The following SLC7A5 variants were observed in gnomAD, a reference collection of about 807,000 sequenced individuals.
The protein encoded by SLC7A5 is large neutral amino acids transporter small subunit 1.
A neutral mutation model predicts 50.2 loss-of-function variants in SLC7A5; 23 were observed. The observed-to-expected ratio is 0.46, with a 90% confidence interval of 0.33 to 0.65. The LOEUF is 0.65. SLC7A5 is among the 30% of genes least tolerant of loss of function. The pLI, the probability that SLC7A5 is intolerant of heterozygous loss-of-function variation, is 0.02. For missense variants in SLC7A5, 578 were observed against 684.4 expected (o/e 0.84, Z 1.73); for synonymous variants, 393 against 330.6 (o/e 1.19, Z -2.05).
At chr16:87,859,913 AAAAACAAAAC>A (rs60586708) in intron 1 of SLC7A5, among the ~76,000 whole-genome samples, 28 of 151,140 alleles carry the variant, frequency 1.9e-4, no homozygotes, top group South Asian at 4.2e-4. Context: ...CCTGGGTGAC[AAAAACAAAAC>A]AAAACAAAAC....
chr16:87,836,744 C>T, intron 7 of SLC7A5, 97 bp from the exon 8 acceptor site: 1 of 1,301,982 alleles, frequency 7.7e-7, no homozygotes, highest in Non-Finnish European at 1.1e-6. Context: ...TGGCTGGGCC[C>T]AGCTGAGCAC....
chr16:87,832,922 T>C lies in SLC7A5; in HGVS notation c.*48A>G, dbSNP rs747293022. The C allele has an allele frequency of 4.6e-6, 7 of 1,521,198 alleles. No individual in the cohort carries two copies. Among genetic ancestry groups the C allele is most frequent in the East Asian group, 2.3e-5 (1 of 44,392 alleles). The allele number at this position is 1,521,198 out of a possible 1,614,324, so 94.2% of individuals were successfully genotyped here. ...AGTGGGTTCGAGGAGGTGATCTACTTTAACTGGCCTCTGCGCATGCTCCTC... is the reference window on the plus strand; with the variant it reads ...AGTGGGTTCGAGGAGGTGATCTACTCTAACTGGCCTCTGCGCATGCTCCTC... On this transcript the variant is annotated 3_prime_UTR_variant, in exon 10 of 10. Transcript: ENST00000261622. The surrounding 1 kb of genome is among the most constrained non-coding windows in gnomAD (Gnocchi z 4.6).
chr16:87,844,140 G>A (rs1449187681), intron 2 of SLC7A5, among the ~76,000 whole-genome samples: 2 of 152,124 alleles, frequency 1.3e-5, no homozygotes, highest in South Asian at 2.1e-4. Context: ...ACAGAGACGC[G>A]AGAACAGACT....
At chr16:87,848,236 C>T (rs1303835134) in intron 2 of SLC7A5, among the ~76,000 whole-genome samples, 1 of 152,260 alleles carries the variant, frequency 6.6e-6, no homozygotes, top group Non-Finnish European at 1.5e-5. Flanking sequence ...GCCCAACTAT[C>T]CAATCTGTAA....
In SLC7A5 at chr16:87,834,431, C is replaced by CA; in HGVS notation, c.1450dup (p.Trp484LeufsTer43). ...ATACTCACAGATGCCCTGGAGGAGC[C>CA]ACTTGGGCTTGTTTTTCCACCAGAC... On this transcript the variant is annotated frameshift_variant, in exon 9 of 10. Coordinates refer to ENST00000261622, the MANE Select transcript of SLC7A5 (RefSeq NM_003486.7). LOFTEE classifies it high-confidence loss of function. 6.4e-7 allele frequency: 1 copy of CA among 1,555,870 alleles called. No homozygotes were observed. Among genetic ancestry groups the CA allele is most frequent in the Non-Finnish European group, 8.7e-7 (1 of 1,149,356 alleles).
chr16:87,868,668 G>T (rs1391702822), intron 1 of SLC7A5, among the ~76,000 whole-genome samples: 1 of 152,214 alleles, frequency 6.6e-6, no homozygotes, highest in African/African-American at 2.4e-5. Flanking sequence ...CTGCTGTCCC[G>T]TCACTGAAGA....
chr16:87,865,887 T>C (rs2055454451), intron 1 of SLC7A5, among the ~76,000 whole-genome samples: 1 of 152,066 alleles, frequency 6.6e-6, no homozygotes, highest in African/African-American at 2.4e-5. Context: ...ATTGGGAGGC[T>C]GAGGCACATG....
In SLC7A5 at chr16:87,831,735, T is replaced by C. The variant is rs959374483; in HGVS notation, c.*1235A>G. On this transcript the variant is annotated 3_prime_UTR_variant, in exon 10 of 10. Coordinates refer to ENST00000261622, the MANE Select transcript of SLC7A5 (RefSeq NM_003486.7). ...CGACAGCTCAGGAAAGTGGGCCGCATTGGCCAGGCCTCGGCTGCCTCCCAT... is the reference window on the plus strand; with the variant it reads ...CGACAGCTCAGGAAAGTGGGCCGCACTGGCCAGGCCTCGGCTGCCTCCCAT... 12 of 152,390 alleles carry C rather than the reference T, an allele frequency of 7.9e-5. No individual in the cohort carries two copies. Among genetic ancestry groups the C allele is most frequent in the African/African-American group, 2.4e-4 (10 of 41,582 alleles). 9.4% of individuals were successfully genotyped at this position (152,390 alleles called of 1,614,324 possible). A position where few individuals can be genotyped will look rare whatever the true frequency, so the allele number is the denominator to read the frequency against.
In SLC7A5 at chr16:87,861,542, C is replaced by G. The variant is rs977198493; in HGVS notation, c.538+7343G>C. On this transcript the variant is annotated intron_variant, in intron 1 of 9. Transcript: ENST00000261622. The surrounding 1 kb of genome is among the most constrained non-coding windows in gnomAD (Gnocchi z 4.2). ...GTAAATTGGGGATTATCACTGGCTTCAAAGGCTGGAGTGCAAAGTGGTGGC... is the reference window on the plus strand; with the variant it reads ...GTAAATTGGGGATTATCACTGGCTTGAAAGGCTGGAGTGCAAAGTGGTGGC... Among the ~76,000 whole-genome samples, 2 of 152,132 alleles carry G rather than the reference C, an allele frequency of 1.3e-5. No individual in the cohort carries two copies. Among genetic ancestry groups the G allele is most frequent in the Non-Finnish European group, 2.9e-5 (2 of 68,014 alleles).
chr16:87,836,118 G>A (rs902857520), intron 8 of SLC7A5, among the ~76,000 whole-genome samples: 6 of 152,208 alleles, frequency 3.9e-5, no homozygotes, highest in Non-Finnish European at 8.8e-5. Context: ...TCCTCGGGCC[G>A]GGTTCCCTGC....
chr16:87,866,091 T>C (rs8056033), intron 1 of SLC7A5, among the ~76,000 whole-genome samples: 2 of 150,796 alleles, frequency 1.3e-5, no homozygotes, highest in Non-Finnish European at 3.0e-5. Context: ...CTCCACAGGG[T>C]TCTATGGGGG....
chr16:87,840,945 C>G, intron 3 of SLC7A5, 105 bp downstream of exon 3: 1 of 745,208 alleles, frequency 1.3e-6, no homozygotes, highest in South Asian at 1.4e-5. Context: ...GAGGGGCAGT[C>G]CACTCCCTTT....
At position 87,841,866 on chromosome 16, in the gene SLC7A5, C is replaced by G. The variant is rs2055086696; in HGVS notation, c.665-711G>C. ...CTCATTTCAAAACTTGAACTTCAGT[C>G]ACATCTGCGAAGACCCTTTTTCCAA... On this transcript the variant is annotated intron_variant, in intron 2 of 9. Transcript: ENST00000261622. The surrounding 1 kb of genome is among the most constrained non-coding windows in gnomAD (Gnocchi z 4.8). 6.6e-6 allele frequency among the ~76,000 whole-genome samples: 1 copy of G among 152,244 alleles called. No individual in the cohort carries two copies. The highest frequency in any genetic ancestry group is 2.4e-5 in the African/African-American group (1 of 41,472).
chr16:87,866,439 T>TCCG (rs1385107056), intron 1 of SLC7A5, among the ~76,000 whole-genome samples: 1 of 152,112 alleles, frequency 6.6e-6, no homozygotes, highest in East Asian at 1.9e-4. Context: ...TAGCTGGGAC[T>TCCG]ACAGGTGTGC....
chr16:87,835,845 G>A (rs1254102845), intron 8 of SLC7A5, among the ~76,000 whole-genome samples: 34 of 152,226 alleles, frequency 2.2e-4, no homozygotes. Context: ...GGGAGAGATG[G>A]TCCGGGCAGG....
chr16:87,860,393 CACACACAT>C lies in SLC7A5; in HGVS notation c.538+8484_538+8491del, dbSNP rs1184471599. Among the ~76,000 whole-genome samples the C allele has an allele frequency of 0.028, 2,083 of 73,106 alleles. 103 individuals carry two copies. Among genetic ancestry groups the C allele is most frequent in the African/African-American group, 0.061 (1,301 of 21,206 alleles). The allele number at this position is 73,106 out of a possible 152,430, so 48.0% of individuals were successfully genotyped here. On this transcript the variant is annotated intron_variant, in intron 1 of 9. Coordinates refer to ENST00000261622, the MANE Select transcript of SLC7A5 (RefSeq NM_003486.7). This position sits in a 1 kb window ranked among gnomAD's most constrained non-coding sequence, Gnocchi z 4.8. ...ACACACACACACACACACACACACACACACACATATATATATAAAGAAAAAGGAAATCT... is the reference window on the plus strand; with the variant it reads ...ACACACACACACACACACACACACACATATATATAAAGAAAAAGGAAATCT...
chr16:87,855,188 T>C (rs1022167323), intron 1 of SLC7A5, among the ~76,000 whole-genome samples: 1 of 152,150 alleles, frequency 6.6e-6, no homozygotes, highest in African/African-American at 2.4e-5. Flanking sequence ...GGCCTCCCAC[T>C]GCTCTCGCCA....
At position 87,833,058 on chromosome 16, in the gene SLC7A5, G is replaced by C; in HGVS notation, c.1469-33C>G. 1 of 1,607,072 alleles carries C rather than the reference G, an allele frequency of 6.2e-7. No homozygotes were observed. Among genetic ancestry groups the C allele is most frequent in the Non-Finnish European group, 8.5e-7 (1 of 1,173,896 alleles). On this transcript the variant is annotated intron_variant, in intron 9 of 9. Transcript: ENST00000261622. This position sits in a 1 kb window ranked among gnomAD's most constrained non-coding sequence, Gnocchi z 6.0. Reference sequence around the variant, plus strand: ...GAGAGAAGACAGCTGTGTTAGCCTGGGGGCTGGGTAGGCACCCGTGGGACA... The same window carrying C: ...GAGAGAAGACAGCTGTGTTAGCCTGCGGGCTGGGTAGGCACCCGTGGGACA...
intron 1 of SLC7A5, among the ~76,000 whole-genome samples, chr16:87,856,509 G>A (rs868106293): frequency 7.5e-4 from 114 of 152,318 alleles, no homozygotes; most frequent in Middle Eastern, 3.4e-3. Flanking sequence ...CCGGGCACAG[G>A]TACCAGCCCA....
Sources: allele counts gnomAD v4.1 joint callset (sites outside exome capture counted in the v4.1 genomes callset), GRCh38; gene constraint gnomAD v4.1.1; non-coding constraint Gnocchi (gnomAD v3.1); transcripts MANE v1.5; gene names NCBI Gene and HGNC (gene_info 2026-07-23, HGNC 2026-07-21).